The following RIMS2 variants were observed in gnomAD, a reference collection of about 807,000 sequenced individuals.
RIMS2 encodes regulating synaptic membrane exocytosis protein 2.
A neutral mutation model predicts 174.4 loss-of-function variants in RIMS2; 59 were observed. The observed-to-expected ratio is 0.34, with a 90% CI of 0.27 to 0.42. The LOEUF is 0.42. Ranked by LOEUF, RIMS2 falls within the 10% of genes least tolerant of loss-of-function variation. RIMS2 has a pLI of 1.00. For synonymous variants in RIMS2, 606 were observed against 572.5 expected, an observed-to-expected ratio of 1.06 and a Z score of -0.84; for missense variants, 1,620 against 1,666.3, an observed-to-expected ratio of 0.97 and a Z score of 0.48.
At position 103,769,237 on chromosome 8, in the gene RIMS2, G is replaced by A. The variant is rs560308465; in HGVS notation, c.698+2700G>A. Among the ~76,000 whole-genome samples, 17 of 152,246 alleles carry A rather than the reference G, an allele frequency of 1.1e-4. 1 individual carries two copies. In the East Asian group the frequency reaches 1.9e-3, roughly 17 times the overall value. On this transcript the variant is annotated intron_variant, in intron 3 of 23. Coordinates refer to ENST00000504942, the Ensembl canonical transcript of RIMS2. Reference sequence around the variant, plus strand: ...GGAATGCATTTCATCAGGAAGTTACGTGTGTTAAAAATAAATTCAATAAAT... The same window carrying A: ...GGAATGCATTTCATCAGGAAGTTACATGTGTTAAAAATAAATTCAATAAAT...
At chr8:103,775,323 A>G (rs2098301246) in intron 3 of RIMS2, among the ~76,000 whole-genome samples, 1 of 152,140 alleles carries the variant, frequency 6.6e-6, no homozygotes, top group Non-Finnish European at 1.5e-5. Context: ...AAGGAAATCA[A>G]AGTATGGTTA....
chr8:103,510,771 C>T (rs751514999), intron 1 of RIMS2, among the ~76,000 whole-genome samples: 1 of 152,096 alleles, frequency 6.6e-6, no homozygotes, highest in Non-Finnish European at 1.5e-5. Flanking sequence ...TGAATTCACC[C>T]AGATATTCCG....
At chr8:103,980,085 A>G (rs1487392142) in intron 16 of RIMS2, among the ~76,000 whole-genome samples, 3 of 152,262 alleles carry the variant, frequency 2.0e-5, no homozygotes, top group Admixed American at 2.0e-4. Context: ...ACATGACCTA[A>G]GGAGATACCA....
intron 3 of RIMS2, among the ~76,000 whole-genome samples, chr8:103,794,884 A>G (rs190963779): frequency 1.4e-3 from 211 of 152,284 alleles, no homozygotes; most frequent in African/African-American, 4.9e-3. Context: ...ATCACAATGA[A>G]ATACCATCTC....
intron 3 of RIMS2, among the ~76,000 whole-genome samples, chr8:103,800,541 G>A (rs902113624): frequency 1.3e-5 from 2 of 152,114 alleles, no homozygotes; most frequent in African/African-American, 4.8e-5. Flanking sequence ...TTCATGAATG[G>A]CTATGAAATT....
At chr8:103,609,201 T>C (rs916310664) in intron 1 of RIMS2, among the ~76,000 whole-genome samples, 3 of 151,978 alleles carry the variant, frequency 2.0e-5, no homozygotes, top group African/African-American at 7.3e-5. Flanking sequence ...TTTAATGGAA[T>C]TGTTTGTTTT....
intron 11 of RIMS2, among the ~76,000 whole-genome samples, chr8:103,929,048 T>C (rs1314804055): frequency 1.3e-5 from 2 of 151,750 alleles, no homozygotes; most frequent in African/African-American, 4.8e-5. Context: ...TATATTCAAA[T>C]ACTCAGTTTA....
chr8:103,602,257 G>C (rs1032162470), intron 1 of RIMS2, among the ~76,000 whole-genome samples: 4 of 152,152 alleles, frequency 2.6e-5, no homozygotes, highest in African/African-American at 9.7e-5. Context: ...AAAGTACTGG[G>C]ATTACAGGCA....
chr8:104,075,522 AATCTT>A (rs2097272725), intron 19 of RIMS2, among the ~76,000 whole-genome samples: 1 of 152,240 alleles, frequency 6.6e-6, no homozygotes, highest in South Asian at 2.1e-4. Context: ...CAAGTCAAGT[AATCTT>A]ATCTTGTACT....
At chr8:104,064,815 G>C (rs1373930338) in intron 19 of RIMS2, among the ~76,000 whole-genome samples, 1 of 151,882 alleles carries the variant, frequency 6.6e-6, no homozygotes, top group East Asian at 1.9e-4. Flanking sequence ...CAAAGAAATT[G>C]GGTTGTCCCA....
chr8:104,179,297 A>T (rs902212137), intron 19 of RIMS2, among the ~76,000 whole-genome samples: 2 of 152,122 alleles, frequency 1.3e-5, no homozygotes, highest in Admixed American at 1.3e-4. Context: ...TAGCAACTGC[A>T]TGAAATATCA....
chr8:103,531,339 A>G (rs1837031019), intron 1 of RIMS2, among the ~76,000 whole-genome samples: 1 of 152,214 alleles, frequency 6.6e-6, no homozygotes, highest in South Asian at 2.1e-4. Context: ...CTGGAAATCA[A>G]TAATGAAAAA....
chr8:104,073,406 A>G (rs1426514968), intron 19 of RIMS2, among the ~76,000 whole-genome samples: 1 of 152,184 alleles, frequency 6.6e-6, no homozygotes, highest in Admixed American at 6.5e-5. Context: ...TCAACAAATA[A>G]TGTTTATTGG....
At chr8:104,166,003 A>G (rs939871642) in intron 19 of RIMS2, among the ~76,000 whole-genome samples, 1 of 151,926 alleles carries the variant, frequency 6.6e-6, no homozygotes, top group Admixed American at 6.6e-5. Context: ...ATCAGTGCAC[A>G]AAATGCTATA....
At chr8:104,114,031 A>AT (rs2098239920) in intron 19 of RIMS2, among the ~76,000 whole-genome samples, 1 of 152,060 alleles carries the variant, frequency 6.6e-6, no homozygotes, top group Non-Finnish European at 1.5e-5. Flanking sequence ...AATAGTTAAA[A>AT]TGAATACATT....
chr8:104,068,522 T>A, intron 19 of RIMS2: 1 of 1,488,014 alleles, frequency 6.7e-7, no homozygotes, highest in South Asian at 1.2e-5. Flanking sequence ...GTACTATGGA[T>A]ATAGAGGAGA....
intron 2 of RIMS2, among the ~76,000 whole-genome samples, chr8:103,740,380 G>A (rs1591437821): frequency 6.6e-6 from 1 of 152,174 alleles, no homozygotes; most frequent in Admixed American, 6.6e-5. Context: ...TGGTAGAGAA[G>A]GGAAGAAATG....
At chr8:103,607,406 C>A (rs1440626010) in intron 1 of RIMS2, among the ~76,000 whole-genome samples, 3 of 151,898 alleles carry the variant, frequency 2.0e-5, no homozygotes, top group African/African-American at 7.3e-5. Flanking sequence ...TGAGGGTAAC[C>A]CGACCTTTCT....
chr8:104,222,753 G>A (rs956857815), intron 19 of RIMS2, among the ~76,000 whole-genome samples: 7 of 152,098 alleles, frequency 4.6e-5, no homozygotes, highest in Non-Finnish European at 7.4e-5. Flanking sequence ...ATGTTAAGCC[G>A]TACAATGTTG....
Sources: gnomAD v4.1 joint callset for allele counts (sites outside exome capture counted in the v4.1 genomes callset) on GRCh38, gnomAD v4.1.1 for gene constraint, MANE v1.5 for transcripts, NCBI Gene and HGNC (gene_info 2026-07-23, HGNC 2026-07-21) for gene names.